Variants in BTBD9 observed in about 807,000 individuals in gnomAD.
BTBD9 encodes BTB domain containing 9, also known as BTB/POZ domain-containing protein 9.
In BTBD9, 49 loss-of-function variants were observed where a neutral mutation model predicts 64.3. The ratio of observed to expected loss-of-function variants is 0.76; its 90% CI spans 0.61 to 0.97. BTBD9 has a LOEUF of 0.97. Among genes scored for constraint, BTBD9 ranks in the 50% least tolerant of loss-of-function variants. The pLI is 0.00. For synonymous variants in BTBD9, 260 were observed against 274.7 expected (o/e 0.95, Z 0.53); for missense variants, 598 against 762.1 (o/e 0.78, Z 2.53).
intron 8 of BTBD9, among the ~76,000 whole-genome samples, chr6:38,287,468 T>C (rs576282239): frequency 1.3e-5 from 2 of 152,296 alleles, no homozygotes; most frequent in African/African-American, 4.8e-5. Context: ...TTGTATATTA[T>C]ATTTTTCTTG....
At chr6:38,224,687 T>A (rs747242474) in intron 9 of BTBD9, among the ~76,000 whole-genome samples, 4 of 152,148 alleles carry the variant, frequency 2.6e-5, no homozygotes, top group Admixed American at 1.3e-4. Context: ...CATTATTGAG[T>A]CAAAGATCAA....
At chr6:38,571,447 C>G (rs959371743) in intron 6 of BTBD9, among the ~76,000 whole-genome samples, 2 of 151,906 alleles carry the variant, frequency 1.3e-5, no homozygotes, top group African/African-American at 4.8e-5. Context: ...GTACTATAAT[C>G]TAATGAGAAT....
At chr6:38,498,434 TTCTA>T (rs1385304997) in intron 6 of BTBD9, among the ~76,000 whole-genome samples, 3 of 143,778 alleles carry the variant, frequency 2.1e-5, no homozygotes, top group Non-Finnish European at 3.0e-5. Flanking sequence ...ATTTGTATGG[TTCTA>T]TCTTTTTCTA....
chr6:38,633,971 C>T (rs899748597), intron 1 of BTBD9, among the ~76,000 whole-genome samples: 6 of 152,152 alleles, frequency 3.9e-5, no homozygotes, highest in Admixed American at 6.5e-5. Context: ...TACATGTGTG[C>T]ACATTCCTTT....
intron 9 of BTBD9, among the ~76,000 whole-genome samples, chr6:38,212,677 C>T (rs928709430): frequency 3.9e-5 from 6 of 152,188 alleles, no homozygotes; most frequent in Non-Finnish European, 7.3e-5. Flanking sequence ...TCTGCTGTTC[C>T]CCAGAGGATT....
intron 7 of BTBD9, among the ~76,000 whole-genome samples, chr6:38,307,859 A>C (rs1299015663): frequency 2.0e-5 from 3 of 152,166 alleles, no homozygotes. Context: ...AATTTTATGA[A>C]GCTATAGCTC....
intron 6 of BTBD9, chr6:38,482,080 C>T (rs1416013811): frequency 6.6e-6 from 1 of 152,182 alleles, no homozygotes; most frequent in Non-Finnish European, 1.5e-5. Context: ...AAGAAGAAAG[C>T]ATTTGGAGAA....
chr6:38,405,602 TAAA>T (rs957679532), intron 6 of BTBD9, among the ~76,000 whole-genome samples: 1 of 146,044 alleles, frequency 6.8e-6, no homozygotes, highest in Admixed American at 6.9e-5. Flanking sequence ...GTTCTGTTGT[TAAA>T]AAAAAAAACA....
chr6:38,269,790 G>A lies in BTBD9; in HGVS notation c.1455-13274C>T, dbSNP rs1459738439. ...GTTTGGTTGAGGGAACATCAGACAG[G>A]AAAAGCATTCCCTCTTTGGAATGTA... On this transcript the variant is annotated intron_variant, in intron 8 of 10. Coordinates refer to ENST00000481247, the MANE Select transcript of BTBD9 (RefSeq NM_001099272.2). Among the ~76,000 whole-genome samples, 3 of 152,158 alleles carry A rather than the reference G, an allele frequency of 2.0e-5. 1 individual carries two copies.
At chr6:38,277,491 G>A (rs1323488838) in intron 8 of BTBD9, among the ~76,000 whole-genome samples, 2 of 151,870 alleles carry the variant, frequency 1.3e-5, no homozygotes, top group Non-Finnish European at 2.9e-5. Flanking sequence ...CCACCACCAC[G>A]CCTGGCTAAT....
At chr6:38,245,538 A>G (rs7755820) in intron 9 of BTBD9, among the ~76,000 whole-genome samples, 16,601 of 152,154 alleles carry the variant, frequency 0.11, 1,363 homozygotes, top group East Asian at 0.48. Flanking sequence ...ATGGAGAGGC[A>G]GGGGGCCAGA....
At chr6:38,477,557 C>A (rs1252005003) in intron 6 of BTBD9, among the ~76,000 whole-genome samples, 1 of 152,176 alleles carries the variant, frequency 6.6e-6, no homozygotes, top group African/African-American at 2.4e-5. Flanking sequence ...GTATTTATAT[C>A]CATACCTTTT....
chr6:38,428,524 C>G (rs1366679216), intron 6 of BTBD9, among the ~76,000 whole-genome samples: 1 of 151,206 alleles, frequency 6.6e-6, no homozygotes, highest in Non-Finnish European at 1.5e-5. Flanking sequence ...TTTTGGCACA[C>G]TCTATAAGGT....
intron 10 of BTBD9, among the ~76,000 whole-genome samples, chr6:38,186,534 C>T (rs1198629882): frequency 6.6e-6 from 1 of 152,088 alleles, no homozygotes; most frequent in African/African-American, 2.4e-5. Context: ...TCCTTTATTG[C>T]TTTCTTTGAC....
At chr6:38,351,951 T>C (rs1045560959) in intron 6 of BTBD9, among the ~76,000 whole-genome samples, 4 of 152,220 alleles carry the variant, frequency 2.6e-5, no homozygotes, top group Non-Finnish European at 5.9e-5. Flanking sequence ...AATTATAATA[T>C]TTACATAAAT....
intron 1 of BTBD9, among the ~76,000 whole-genome samples, chr6:38,615,185 T>C (rs773414477): frequency 1.3e-5 from 2 of 152,266 alleles, no homozygotes; most frequent in Non-Finnish European, 2.9e-5. Flanking sequence ...TGCCATTTCC[T>C]CATGCAGCCT....
At chr6:38,385,886 T>C (rs1766146727) in intron 6 of BTBD9, among the ~76,000 whole-genome samples, 1 of 150,148 alleles carries the variant, frequency 6.7e-6, no homozygotes, top group Non-Finnish European at 1.5e-5. Context: ...CCTCCACCTC[T>C]CGAGTCCAAG....
chr6:38,248,436 T>A (rs1764282486), intron 9 of BTBD9, among the ~76,000 whole-genome samples: 1 of 152,240 alleles, frequency 6.6e-6, no homozygotes, highest in South Asian at 2.1e-4. Flanking sequence ...TTTGGATAGA[T>A]GATGGCTGAA....
At chr6:38,551,192 C>T (rs1020718050) in intron 6 of BTBD9, among the ~76,000 whole-genome samples, 1 of 152,158 alleles carries the variant, frequency 6.6e-6, no homozygotes, top group African/African-American at 2.4e-5. Flanking sequence ...ACATGTTGTC[C>T]AATCTGTACT....
Sources: gnomAD v4.1 joint callset for allele counts (sites outside exome capture counted in the v4.1 genomes callset) on GRCh38, gnomAD v4.1.1 for gene constraint, MANE v1.5 for transcripts, NCBI Gene and HGNC (gene_info 2026-07-23, HGNC 2026-07-21) for gene names.